Variants in KIAA1328 observed in about 807,000 individuals in gnomAD.
KIAA1328 encodes KIAA1328.
Under a neutral mutation model 68.1 loss-of-function variants are expected in KIAA1328, and 52 were observed. The ratio of observed to expected loss-of-function variants is 0.76; its 90% confidence interval spans 0.61 to 0.96. The LOEUF (loss-of-function observed/expected upper bound fraction) is 0.96. Among genes scored for constraint, KIAA1328 ranks in the 40% least tolerant of loss-of-function variants. The probability of loss-of-function intolerance (pLI) is 0.00; values close to 1 mark genes in which losing one functional copy is unlikely to be tolerated. For synonymous variants in KIAA1328, 232 were observed against 239.4 expected (o/e 0.97, Z 0.28); for missense variants, 641 against 677.6 (o/e 0.95, Z 0.60).
chr18:36,893,452 TGTGTGTGTG>T (rs2048760809), intron 5 of KIAA1328, among the ~76,000 whole-genome samples: 2 of 140,570 alleles, frequency 1.4e-5, no homozygotes, highest in South Asian at 2.3e-4. Context: ...TGTGTGTGTG[TGTGTGTGTG>T]TTTTTGTGTG....
chr18:36,833,666 A>T lies in KIAA1328; in HGVS notation c.59-654A>T, dbSNP rs190138378. 5.9e-5 allele frequency among the ~76,000 whole-genome samples: 9 copies of T among 152,346 alleles called. No individual in the cohort carries two copies. In the East Asian group the frequency reaches 1.7e-3, roughly 29 times the overall value. On this transcript the variant is annotated intron_variant, in intron 1 of 9. Coordinates refer to ENST00000280020, the MANE Select transcript of KIAA1328 (RefSeq NM_020776.3). ...TATTGCAATAATCCTGGGAGAGGAA[A>T]AGTTGAGTTGGATCAAGGTGACAGT...
intron 9 of KIAA1328, among the ~76,000 whole-genome samples, chr18:37,184,038 C>A (rs1438678856): frequency 1.3e-5 from 2 of 152,276 alleles, no homozygotes; most frequent in Non-Finnish European, 2.9e-5. Flanking sequence ...TAGAGCAGAG[C>A]CTGGCTCATA....
chr18:37,045,426 G>A (rs1488844396), intron 6 of KIAA1328, among the ~76,000 whole-genome samples: 1 of 149,508 alleles, frequency 6.7e-6, no homozygotes, highest in Admixed American at 6.6e-5. Context: ...CAATTATTTT[G>A]TTCTTTGGTC....
chr18:37,213,883 A>G (rs1267705929), intron 9 of KIAA1328, among the ~76,000 whole-genome samples: 2 of 152,084 alleles, frequency 1.3e-5, no homozygotes. Flanking sequence ...TTTGATTTGC[A>G]TTTATCTGAT....
intron 6 of KIAA1328, among the ~76,000 whole-genome samples, chr18:36,998,592 A>G (rs1262665182): frequency 1.3e-5 from 2 of 152,214 alleles, no homozygotes; most frequent in African/African-American, 4.8e-5. Flanking sequence ...TTGGAATCCA[A>G]GTCCTCCCTC....
intron 6 of KIAA1328, among the ~76,000 whole-genome samples, chr18:36,964,345 C>T (rs1341722369): frequency 1.3e-5 from 2 of 152,164 alleles, no homozygotes; most frequent in Non-Finnish European, 2.9e-5. Context: ...AAAAATTTCA[C>T]CTGCAGATTT....
intron 7 of KIAA1328, among the ~76,000 whole-genome samples, chr18:37,085,831 C>G (rs1400611262): frequency 3.3e-5 from 5 of 152,228 alleles, no homozygotes; most frequent in Admixed American, 2.0e-4. Flanking sequence ...CCATATTTCT[C>G]TCTACATATA....
Position 37,069,008 on chromosome 18 carries a change from C to T in KIAA1328, c.1232+1463C>T, listed in dbSNP as rs1049101318. 3.3e-5 allele frequency among the ~76,000 whole-genome samples: 5 copies of T among 151,752 alleles called. No individual in the cohort carries two copies. In the South Asian group the frequency reaches 6.2e-4, roughly 19 times the overall value. On this transcript the variant is annotated intron_variant, in intron 7 of 9. Transcript: ENST00000280020. ...ATGAAGTCCAATTTATCTTTTTTTT[C>T]TGTTACGGATTATATAAAGTTTTAT...
chr18:37,084,152 G>A (rs1421795394), intron 7 of KIAA1328: 11 of 1,511,564 alleles, frequency 7.3e-6, no homozygotes, highest in East Asian at 2.6e-5. Flanking sequence ...TGTTTAAGTC[G>A]AGAGAACTGG....
intron 9 of KIAA1328, among the ~76,000 whole-genome samples, chr18:37,215,837 G>A (rs1222342211): frequency 6.6e-6 from 1 of 152,144 alleles, no homozygotes; most frequent in African/African-American, 2.4e-5. Flanking sequence ...CCTGTTATTG[G>A]TCTATTCAGG....
rs190626959 is a variant in KIAA1328, at chr18:36,892,363, A to G, written c.448+6691A>G. ...AAAACCTAAAGTTCTTAAAATGAAGAAGACTGTAAATAGAAGAGAAGGGAT... is the reference window on the plus strand; with the variant it reads ...AAAACCTAAAGTTCTTAAAATGAAGGAGACTGTAAATAGAAGAGAAGGGAT... On this transcript the variant is annotated intron_variant, in intron 5 of 9. Coordinates refer to ENST00000280020, the MANE Select transcript of KIAA1328 (RefSeq NM_020776.3). 4.4e-3 allele frequency among the ~76,000 whole-genome samples: 671 copies of G among 152,320 alleles called. 3 individuals are homozygous for G. The highest frequency in any genetic ancestry group is 0.015 in the African/African-American group (634 of 41,568).
chr18:37,051,685 C>T (rs2055699253), intron 6 of KIAA1328, among the ~76,000 whole-genome samples: 1 of 152,094 alleles, frequency 6.6e-6, no homozygotes. Context: ...GGAATTCCTC[C>T]CCAACTCATT....
intron 5 of KIAA1328, among the ~76,000 whole-genome samples, chr18:36,887,112 CTT>C (rs553425006): frequency 3.2e-4 from 43 of 134,616 alleles, no homozygotes; most frequent in Admixed American, 3.7e-4. Flanking sequence ...CCAACTTTCT[CTT>C]TTTTTTTTTT....
At chr18:37,066,550 G>A (rs1250031863) in intron 6 of KIAA1328, among the ~76,000 whole-genome samples, 2 of 152,128 alleles carry the variant, frequency 1.3e-5, no homozygotes, top group South Asian at 2.1e-4. Context: ...AACATTTTAC[G>A]ATGTTCATGT....
At chr18:37,026,387 T>C (rs1311142640) in intron 6 of KIAA1328, among the ~76,000 whole-genome samples, 1 of 152,034 alleles carries the variant, frequency 6.6e-6, no homozygotes, top group Non-Finnish European at 1.5e-5. Context: ...GCCAACATCA[T>C]CCTGATACCA....
At chr18:37,098,811 A>C (rs962019428) in intron 7 of KIAA1328, among the ~76,000 whole-genome samples, 7 of 152,098 alleles carry the variant, frequency 4.6e-5, no homozygotes, top group African/African-American at 1.2e-4. Context: ...GGGAGGGTGT[A>C]TGTGTCGAGG....
intron 4 of KIAA1328, among the ~76,000 whole-genome samples, chr18:36,878,240 G>T (rs2048206493): frequency 6.6e-6 from 1 of 152,070 alleles, no homozygotes; most frequent in African/African-American, 2.4e-5. Context: ...ATCTCTCAGG[G>T]TTTGCTTGTC....
intron 5 of KIAA1328, among the ~76,000 whole-genome samples, chr18:36,928,119 T>A (rs1289471554): frequency 2.6e-5 from 4 of 152,204 alleles, no homozygotes; most frequent in Non-Finnish European, 4.4e-5. Context: ...CTGTTTTTTT[T>A]ATTTTTTTTA....
intron 9 of KIAA1328, among the ~76,000 whole-genome samples, chr18:37,200,898 C>T (rs2060100157): frequency 6.6e-6 from 1 of 151,688 alleles, no homozygotes; most frequent in South Asian, 2.1e-4. Context: ...CCCCAACCCA[C>T]AGTTCCCCCT....
Sources: gnomAD v4.1 joint callset for allele counts (sites outside exome capture counted in the v4.1 genomes callset) on GRCh38, gnomAD v4.1.1 for gene constraint, MANE v1.5 for transcripts, NCBI Gene and HGNC (gene_info 2026-07-23, HGNC 2026-07-21) for gene names.